The following AGBL1 variants were observed in gnomAD, a reference collection of about 807,000 sequenced individuals.
AGBL1 encodes AGBL carboxypeptidase 1, also known as cytosolic carboxypeptidase 4.
A neutral mutation model predicts 118.9 loss-of-function variants in AGBL1; 130 were observed. The ratio of observed to expected loss-of-function variants is 1.09; its 90% CI spans 0.95 to 1.26. The LOEUF (loss-of-function observed/expected upper bound fraction) is 1.26, where lower values mean the gene tolerates loss of function less well. AGBL1 is among the 50% of genes most tolerant of loss of function. The probability of loss-of-function intolerance (pLI) is 0.00; values close to 1 mark genes in which losing one functional copy is unlikely to be tolerated. For synonymous variants in AGBL1, 555 were observed against 478.9 expected (o/e 1.16, Z -2.08); for missense variants, 1,584 against 1,298.1 (o/e 1.22, Z -3.38).
chr15:87,021,995 T>C (rs2081669468), intron 24 of AGBL1, among the ~76,000 whole-genome samples: 1 of 152,086 alleles, frequency 6.6e-6, no homozygotes, highest in Non-Finnish European at 1.5e-5. Context: ...TCCCCAGTAC[T>C]GGCCCAGAGC....
At chr15:86,206,928 G>GT (rs2078003430) in intron 5 of AGBL1, among the ~76,000 whole-genome samples, 1 of 152,106 alleles carries the variant, frequency 6.6e-6, no homozygotes, top group Non-Finnish European at 1.5e-5. Context: ...TTCTTCTAGG[G>GT]TTTTTATGGT....
At chr15:86,198,670 C>G (rs1383695905) in intron 5 of AGBL1, among the ~76,000 whole-genome samples, 1 of 151,922 alleles carries the variant, frequency 6.6e-6, no homozygotes, top group Non-Finnish European at 1.5e-5. Context: ...TTTTCTCTCT[C>G]TCTCTCTCTC....
intron 5 of AGBL1, among the ~76,000 whole-genome samples, chr15:86,172,903 T>C (rs2077434730): frequency 6.6e-6 from 1 of 152,172 alleles, no homozygotes; most frequent in South Asian, 2.1e-4. Context: ...GTCCTATTTT[T>C]AGTTTTTTTT....
intron 19 of AGBL1, among the ~76,000 whole-genome samples, 156 bp from the exon 20 acceptor site, chr15:86,545,846 C>T (rs548038730): frequency 1.2e-4 from 19 of 152,290 alleles, no homozygotes; most frequent in Admixed American, 1.2e-3. Flanking sequence ...CACCAGTGAT[C>T]CGCACATGGC....
intron 18 of AGBL1, among the ~76,000 whole-genome samples, chr15:86,490,405 C>T (rs112577991): frequency 0.018 from 2,806 of 152,142 alleles, 72 homozygotes; most frequent in African/African-American, 0.062. Context: ...CTCGTTAGAA[C>T]GAAAGGTTCC....
chr15:86,699,789 C>T (rs372585978), intron 22 of AGBL1, among the ~76,000 whole-genome samples: 4 of 152,004 alleles, frequency 2.6e-5, no homozygotes, highest in African/African-American at 9.7e-5. Flanking sequence ...TAGTGTCTGC[C>T]AAGCTTCCCC....
intron 18 of AGBL1, among the ~76,000 whole-genome samples, chr15:86,517,942 C>G (rs567002037): frequency 1.3e-5 from 2 of 152,170 alleles, no homozygotes; most frequent in African/African-American, 2.4e-5. Flanking sequence ...CTCCTGCACC[C>G]TTCCTGCCTT....
chr15:86,977,955 TAAG>T, intron 23 of AGBL1, among the ~76,000 whole-genome samples: 1 of 152,136 alleles, frequency 6.6e-6, no homozygotes. Context: ...ATATTTAAAA[TAAG>T]AAATGTTAAA....
intron 5 of AGBL1, among the ~76,000 whole-genome samples, chr15:86,219,773 C>T (rs1359102189): frequency 6.6e-6 from 1 of 151,996 alleles, no homozygotes; most frequent in Non-Finnish European, 1.5e-5. Context: ...ATCCTCTGAC[C>T]TTGCACCAGT....
At chr15:86,767,438 A>G (rs1368048209) in intron 22 of AGBL1, among the ~76,000 whole-genome samples, 1 of 151,968 alleles carries the variant, frequency 6.6e-6, no homozygotes, top group Non-Finnish European at 1.5e-5. Flanking sequence ...ATTAAGAAGA[A>G]CTTTATTATT....
chr15:86,578,408 C>T (rs540803960), intron 21 of AGBL1, among the ~76,000 whole-genome samples: 1 of 152,264 alleles, frequency 6.6e-6, no homozygotes, highest in East Asian at 1.9e-4. Flanking sequence ...ATTTTACTGG[C>T]TCATAGCCAG....
chr15:86,483,475 T>A (rs991212212), intron 18 of AGBL1, among the ~76,000 whole-genome samples: 2 of 152,088 alleles, frequency 1.3e-5, no homozygotes, highest in African/African-American at 4.8e-5. Context: ...ATAATGAGGC[T>A]TGTCTGACCT....
chr15:86,371,403 C>A (rs1007242673), intron 17 of AGBL1, among the ~76,000 whole-genome samples: 11 of 152,168 alleles, frequency 7.2e-5, no homozygotes, highest in African/African-American at 2.4e-4. Flanking sequence ...CCTGGAGTGC[C>A]TTTTCTTCCA....
rs138058550 is a variant in AGBL1 at position 86,277,803 on chromosome 15, G to A, written c.2076-1836G>A. On this transcript the variant is annotated intron_variant, in intron 15 of 22. Coordinates refer to ENST00000614907, the MANE Select transcript of AGBL1 (RefSeq NM_001386094.1). Reference sequence around the variant, plus strand: ...CTGGGGACAGTGAGGCACAAGGTGCGTGTTTCCATCTGCCTTTACATTCAT... The same window carrying A: ...CTGGGGACAGTGAGGCACAAGGTGCATGTTTCCATCTGCCTTTACATTCAT... Among the ~76,000 whole-genome samples the A allele has an allele frequency of 2.5e-3, 381 of 152,342 alleles. 1 individual carries two copies. The highest frequency in any genetic ancestry group is 8.2e-3 in the African/African-American group (340 of 41,578).
At chr15:86,565,316 A>G (rs1318366281) in intron 21 of AGBL1, among the ~76,000 whole-genome samples, 1 of 152,110 alleles carries the variant, frequency 6.6e-6, no homozygotes, top group East Asian at 1.9e-4. Flanking sequence ...TTTGGTGTGG[A>G]TATCCTTTCT....
chr15:86,793,186 C>T (rs2078520436), intron 22 of AGBL1, among the ~76,000 whole-genome samples: 2 of 152,158 alleles, frequency 1.3e-5, no homozygotes, highest in Non-Finnish European at 2.9e-5. Flanking sequence ...CCATCTGCCT[C>T]CTTCCTCCCA....
intron 21 of AGBL1, among the ~76,000 whole-genome samples, chr15:86,561,659 A>G (rs2083823076): frequency 6.6e-6 from 1 of 152,116 alleles, no homozygotes; most frequent in Non-Finnish European, 1.5e-5. Flanking sequence ...TGCTATATGA[A>G]CTTTAAAGTA....
intron 21 of AGBL1, among the ~76,000 whole-genome samples, chr15:86,573,894 C>G (rs978726595): frequency 6.6e-6 from 1 of 152,194 alleles, no homozygotes; most frequent in East Asian, 1.9e-4. Flanking sequence ...TTCTGGCTAT[C>G]TACCCCCAAG....
intron 16 of AGBL1, among the ~76,000 whole-genome samples, chr15:86,293,463 G>A (rs1445350853): frequency 6.6e-6 from 1 of 152,056 alleles, no homozygotes; most frequent in Non-Finnish European, 1.5e-5. Flanking sequence ...GGTCTTATGG[G>A]GCCAGCAGTT....
Sources: gnomAD v4.1 joint callset for allele counts (sites outside exome capture counted in the v4.1 genomes callset) on GRCh38, gnomAD v4.1.1 for gene constraint, MANE v1.5 for transcripts, NCBI Gene and HGNC (gene_info 2026-07-23, HGNC 2026-07-21) for gene names.